GRM7: variants seen among roughly 807,000 people sequenced by gnomAD.
GRM7 encodes the protein metabotropic glutamate receptor 7.
Under a neutral mutation model 84.5 loss-of-function variants are expected in GRM7, and 35 were observed. That is an observed-to-expected ratio of 0.41 (90% CI 0.32 to 0.55). The LOEUF is 0.55. GRM7 is among the 20% of genes least tolerant of loss of function. The pLI, the probability that GRM7 is intolerant of heterozygous loss-of-function variation, is 0.19. For synonymous variants in GRM7, 487 were observed against 455.1 expected (o/e 1.07, Z -0.89); for missense variants, 1,003 against 1,194.6 (o/e 0.84, Z 2.36).
intron 2 of GRM7, among the ~76,000 whole-genome samples, chr3:7,255,754 A>G (rs1466830377): frequency 6.6e-6 from 1 of 152,188 alleles, no homozygotes; most frequent in Non-Finnish European, 1.5e-5. Context: ...TAATTTCCTT[A>G]TAATTGACAC....
chr3:7,409,964 A>G (rs1695855011), intron 4 of GRM7, among the ~76,000 whole-genome samples: 2 of 152,020 alleles, frequency 1.3e-5, no homozygotes, highest in Admixed American at 6.6e-5. Flanking sequence ...AGTATTTCTC[A>G]TTTCAGTGAA....
chr3:7,282,610 C>T (rs1276740246), intron 2 of GRM7, among the ~76,000 whole-genome samples: 1 of 152,206 alleles, frequency 6.6e-6, no homozygotes, highest in Admixed American at 6.5e-5. Flanking sequence ...CTTATAGATT[C>T]TGAGGAGTAA....
At chr3:6,864,565 A>G (rs1224373505) in intron 1 of GRM7, among the ~76,000 whole-genome samples, 2 of 152,246 alleles carry the variant, frequency 1.3e-5, no homozygotes, top group Non-Finnish European at 2.9e-5. Flanking sequence ...ATTGTCCTAC[A>G]TAAAAGAAAC....
At chr3:7,687,348 T>A (rs1191938690) in intron 9 of GRM7, among the ~76,000 whole-genome samples, 1 of 152,204 alleles carries the variant, frequency 6.6e-6, no homozygotes, top group Non-Finnish European at 1.5e-5. Flanking sequence ...AAATATACTC[T>A]GAAAGGATAT....
chr3:7,553,138 C>T (rs1017480463), intron 7 of GRM7, among the ~76,000 whole-genome samples: 3 of 152,196 alleles, frequency 2.0e-5, no homozygotes, highest in Admixed American at 2.0e-4. Flanking sequence ...CTCTCAAGTG[C>T]AAAATTTCAC....
intron 7 of GRM7, among the ~76,000 whole-genome samples, chr3:7,555,813 C>T (rs1038610327): frequency 2.0e-5 from 3 of 152,268 alleles, no homozygotes; most frequent in Middle Eastern, 3.4e-3. Flanking sequence ...AGTCCCAGCT[C>T]ATACTCCTGC....
At chr3:7,295,531 A>AATAAG (rs1334274761) in intron 2 of GRM7, among the ~76,000 whole-genome samples, 1 of 151,032 alleles carries the variant, frequency 6.6e-6, no homozygotes, top group Non-Finnish European at 1.5e-5. Flanking sequence ...AATAAAATAA[A>AATAAG]ATGTTTACTG....
chr3:7,123,416 CAA>C (rs1277422217), intron 1 of GRM7, among the ~76,000 whole-genome samples: 1 of 152,060 alleles, frequency 6.6e-6, no homozygotes, highest in African/African-American at 2.4e-5. Context: ...GTCAGGAGTT[CAA>C]AACCAACCTG....
chr3:6,963,116 T>C (rs971750918), intron 1 of GRM7, among the ~76,000 whole-genome samples: 2 of 152,228 alleles, frequency 1.3e-5, no homozygotes, highest in Non-Finnish European at 2.9e-5. Flanking sequence ...TTATTTTCTT[T>C]GGAGATGTTT....
chr3:7,510,543 T>A (rs1212571143), intron 7 of GRM7, among the ~76,000 whole-genome samples: 2 of 152,052 alleles, frequency 1.3e-5, no homozygotes, highest in Non-Finnish European at 2.9e-5. Context: ...TACAAACAAA[T>A]TCAAGACACA....
chr3:7,565,486 T>C (rs1199924713), intron 7 of GRM7, among the ~76,000 whole-genome samples: 2 of 152,220 alleles, frequency 1.3e-5, no homozygotes, highest in African/African-American at 4.8e-5. Flanking sequence ...GTATAGGGAC[T>C]TCCTGAACAA....
chr3:7,547,458 G>A (rs1428702354), intron 7 of GRM7, among the ~76,000 whole-genome samples: 5 of 151,864 alleles, frequency 3.3e-5, no homozygotes, highest in Non-Finnish European at 5.9e-5. Context: ...TGCCCGCCTC[G>A]GCCTCCCAAA....
intron 8 of GRM7, among the ~76,000 whole-genome samples, chr3:7,609,444 C>T (rs959637538): frequency 9.9e-5 from 15 of 152,126 alleles, no homozygotes; most frequent in East Asian, 3.9e-4. Flanking sequence ...ATTGCTGGAA[C>T]GATATTCTTG....
intron 1 of GRM7, among the ~76,000 whole-genome samples, chr3:6,900,184 C>T (rs1385687591): frequency 6.6e-6 from 1 of 152,076 alleles, no homozygotes; most frequent in South Asian, 2.1e-4. Flanking sequence ...AAATTACAAG[C>T]AGTTTGGGGA....
At chr3:7,641,763 AAAC>A (rs1439202477) in intron 8 of GRM7, among the ~76,000 whole-genome samples, 1 of 152,246 alleles carries the variant, frequency 6.6e-6, no homozygotes, top group African/African-American at 2.4e-5. Context: ...ATTACAAACA[AAAC>A]AAAAACAGGG....
rs527312439 is a variant in GRM7 at position 7,120,069 on chromosome 3, A to G, written c.520-26383A>G. Among the ~76,000 whole-genome samples, 26 of 152,264 alleles carry G rather than the reference A, an allele frequency of 1.7e-4. 1 individual carries two copies. The South Asian group carries it at 3.5e-3, about 21-fold the overall frequency. ...ATTGAGAGATAAAATAAACAAGCAC[A>G]AAAAGTCTCAGAATATTAAGAAAAC... On this transcript the variant is annotated intron_variant, in intron 1 of 9. Coordinates refer to ENST00000357716, the MANE Select transcript of GRM7 (RefSeq NM_000844.4).
At chr3:7,527,263 A>G (rs1700844078) in intron 7 of GRM7, among the ~76,000 whole-genome samples, 1 of 151,928 alleles carries the variant, frequency 6.6e-6, no homozygotes, top group South Asian at 2.1e-4. Context: ...AAGTATTTGT[A>G]GGTATTTTAT....
At chr3:7,068,331 T>G (rs143374350) in intron 1 of GRM7, among the ~76,000 whole-genome samples, 75 of 152,150 alleles carry the variant, frequency 4.9e-4, no homozygotes, top group Non-Finnish European at 9.3e-4. Flanking sequence ...ATAAATAGGG[T>G]AATGATGTCA....
At chr3:6,965,467 T>G (rs1469517865) in intron 1 of GRM7, among the ~76,000 whole-genome samples, 3 of 152,026 alleles carry the variant, frequency 2.0e-5, no homozygotes. Flanking sequence ...TGTGGAACTA[T>G]AGGCATGTGC....
Sources: allele counts gnomAD v4.1 joint callset (sites outside exome capture counted in the v4.1 genomes callset), GRCh38; gene constraint gnomAD v4.1.1; transcripts MANE v1.5; gene names NCBI Gene and HGNC (gene_info 2026-07-23, HGNC 2026-07-21).